Variants in ANO1 observed in about 807,000 individuals in gnomAD.
ANO1 encodes the protein anoctamin-1.
Under a neutral mutation model 124.0 loss-of-function variants are expected in ANO1, and 59 were observed. That is an observed-to-expected ratio of 0.48 (90% confidence interval 0.39 to 0.59). ANO1 has a LOEUF of 0.59. Among genes scored for constraint, ANO1 ranks in the 20% least tolerant of loss-of-function variants. ANO1 has a pLI of 0.00. For missense variants in ANO1, 1,059 were observed against 1,328.0 expected, an observed-to-expected ratio of 0.80 and a Z score of 3.15; for synonymous variants, 529 against 532.0, an observed-to-expected ratio of 0.99 and a Z score of 0.08.
chr11:70,095,938 C>T (rs2044936537), intron 2 of ANO1, among the ~76,000 whole-genome samples: 2 of 152,148 alleles, frequency 1.3e-5, no homozygotes, highest in South Asian at 2.1e-4. Context: ...TTAATAGTTT[C>T]CTGTCCTTTG....
the ANO1 span, among the ~76,000 whole-genome samples, chr11:69,974,783 T>G: frequency 6.6e-6 from 1 of 151,768 alleles, no homozygotes; most frequent in Admixed American, 6.6e-5. Flanking sequence ...CCAGCAGCCT[T>G]CCGGGCAGGA....
intron 11 of ANO1, among the ~76,000 whole-genome samples, chr11:70,145,943 C>CAAAAAAAAAAA (rs10589426): frequency 1.2e-4 from 13 of 108,690 alleles, no homozygotes; most frequent in Non-Finnish European, 1.5e-4. Context: ...TCTCAAAAAA[C>CAAAAAAAAAAA]AAAAAAAAAA....
intron 2 of ANO1, among the ~76,000 whole-genome samples, chr11:70,089,000 G>C (rs894973928): frequency 2.6e-5 from 4 of 152,228 alleles, no homozygotes; most frequent in African/African-American, 9.6e-5. Context: ...CGAGGGTGCA[G>C]CTGTGTGCAG....
rs746101530 is a variant in ANO1 at position 70,078,642 on chromosome 11, C to A, written c.36C>A (p.Ala12=). 5 of 1,501,744 alleles carry A rather than the reference C, an allele frequency of 3.3e-6. No homozygotes were observed. The highest frequency in any genetic ancestry group is 1.8e-4 in the Middle Eastern group (1 of 5,606). The allele number at this position is 1,501,744 out of a possible 1,614,324, so 93.0% of individuals were successfully genotyped here. ...ACGAGAAGTACTCGACGCTCCCGGC[C>A]GAGGACCGCAGCGTCCACATCATCA... ...RVNEKYSTLP[A]EDRSVHIINI... The change falls in exon 1 of 26, where the codon GCC becomes GCA. Residue 12 remains alanine, a synonymous_variant. Transcript: ENST00000355303.
chr11:70,105,964 C>T (rs2045520681), intron 5 of ANO1, among the ~76,000 whole-genome samples, 176 bp downstream of exon 5: 1 of 152,022 alleles, frequency 6.6e-6, no homozygotes, highest in Non-Finnish European at 1.5e-5. Context: ...GATGGTCGTG[C>T]CCCAGGCAGG....
At chr11:70,116,524 G>A (rs775129554) in intron 8 of ANO1, 25 bp downstream of exon 8, 1 of 1,580,352 alleles carries the variant, frequency 6.3e-7, no homozygotes, top group Non-Finnish European at 8.6e-7. Context: ...CGGAGCAGGA[G>A]GTGGCTCTGT....
intron 22 of ANO1, among the ~76,000 whole-genome samples, chr11:70,177,584 TTTTTTTTTTC>T: frequency 1.5e-5 from 2 of 137,164 alleles, no homozygotes; most frequent in Non-Finnish European, 3.0e-5. Flanking sequence ...TTTTCTTTTC[TTTTTTTTTTC>T]TTTTTTTTTT....
intron 1 of ANO1, among the ~76,000 whole-genome samples, chr11:70,061,313 C>T (rs1171114662): frequency 2.0e-5 from 3 of 151,922 alleles, no homozygotes; most frequent in South Asian, 4.2e-4. Flanking sequence ...GGCAGATGGG[C>T]GAAAAGAAAG....
At chr11:70,151,265 A>G (rs2047592753) in intron 12 of ANO1, among the ~76,000 whole-genome samples, 1 of 152,230 alleles carries the variant, frequency 6.6e-6, no homozygotes, top group African/African-American at 2.4e-5. Flanking sequence ...TTATCTGCCC[A>G]GACAACAGCC....
At chr11:70,163,386 T>C in intron 19 of ANO1, 46 bp downstream of exon 19, 2 of 1,605,360 alleles carry the variant, frequency 1.2e-6, no homozygotes, top group Non-Finnish European at 1.7e-6. Context: ...CTGTCTTGCT[T>C]ACGATTTGTC....
At chr11:70,067,114 T>C (rs1467471453) in intron 1 of ANO1, among the ~76,000 whole-genome samples, 3 of 152,160 alleles carry the variant, frequency 2.0e-5, no homozygotes, top group African/African-American at 7.2e-5. Context: ...CAAGCAGTCA[T>C]GAAGGGCCCC....
chr11:69,974,558 C>T, the ANO1 span, among the ~76,000 whole-genome samples: 1 of 152,220 alleles, frequency 6.6e-6, no homozygotes, highest in East Asian at 1.9e-4. Context: ...TCTTGGCCAG[C>T]AGAACCTCAT....
intron 1 of ANO1, among the ~76,000 whole-genome samples, chr11:70,035,724 C>T (rs1308860083): frequency 1.3e-5 from 2 of 152,010 alleles, no homozygotes; most frequent in East Asian, 1.9e-4. Flanking sequence ...TGTGTGAGTG[C>T]CCATGTGTTC....
At chr11:70,121,190 G>A (rs1198241845) in intron 8 of ANO1, among the ~76,000 whole-genome samples, 3 of 146,016 alleles carry the variant, frequency 2.1e-5, no homozygotes, top group Admixed American at 6.9e-5. Flanking sequence ...TTCTCTCCCC[G>A]TCTCCCTCCC....
At chr11:70,017,504 C>T (rs1038882836) in intron 1 of ANO1, among the ~76,000 whole-genome samples, 6 of 147,486 alleles carry the variant, frequency 4.1e-5, no homozygotes, top group Non-Finnish European at 7.5e-5. Context: ...ACTTCCCTCC[C>T]TCCCTCCCTC....
Position 70,144,900 on chromosome 11 carries a change from G to A in ANO1, c.1259-4810G>A, listed in dbSNP as rs529538449. 6.6e-5 allele frequency among the ~76,000 whole-genome samples: 10 copies of A among 152,332 alleles called. No homozygotes were observed. The East Asian group carries it at 1.9e-3, about 29-fold the overall frequency. On this transcript the variant is annotated intron_variant, in intron 11 of 25. Transcript: ENST00000355303. ...CTCAGCTATGTGTCTATAAAATGGA[G>A]TGCGTCGTCCCTGCGTGGAGGGGGC...
At chr11:70,058,393 G>A (rs1555007206) in intron 1 of ANO1, among the ~76,000 whole-genome samples, 2 of 152,194 alleles carry the variant, frequency 1.3e-5, no homozygotes, top group East Asian at 3.8e-4. Flanking sequence ...TTTTTTAGCA[G>A]TGAGTAAGTC....
chr11:70,124,496 C>T, intron 9 of ANO1, 82 bp downstream of exon 9: 1 of 1,421,070 alleles, frequency 7.0e-7, no homozygotes, highest in East Asian at 2.3e-5. Context: ...TTCAACCGCT[C>T]TGAATGTTCA....
rs1565159762 is a variant in ANO1 at position 70,010,191 on chromosome 11, A to ATATATATATATATATATG, written c.58+24032_58+24033insATATATATATGTATATAT. 8.7e-4 allele frequency among the ~76,000 whole-genome samples: 107 copies of ATATATATATATATATATG among 123,020 alleles called. 9 individuals carry two copies. The highest frequency in any genetic ancestry group is 3.6e-3 in the African/African-American group (103 of 28,708). The allele number at this position is 123,020 out of a possible 152,430, so 80.7% of individuals were successfully genotyped here. A position where few individuals can be genotyped will look rare whatever the true frequency, so the allele number is the denominator to read the frequency against. ...CGCGTGTGTGTGTGTATATATATATATATATATCACATTTTCTTTATCCAC... is the reference window on the plus strand; with the variant it reads ...CGCGTGTGTGTGTGTATATATATATATATATATATATATATATGTATATATCACATTTTCTTTATCCAC... On this transcript the variant is annotated intron_variant, in intron 1 of 27. Coordinates refer to the ANO1 transcript ENST00000531349.
Sources: gnomAD v4.1 joint callset for allele counts (sites outside exome capture counted in the v4.1 genomes callset) on GRCh38, gnomAD v4.1.1 for gene constraint, MANE v1.5 for transcripts, NCBI Gene and HGNC (gene_info 2026-07-23, HGNC 2026-07-21) for gene names.